EPB41L2: variants seen among roughly 807,000 people sequenced by gnomAD.
EPB41L2 encodes the protein band 4.1-like protein 2.
Under a neutral mutation model 113.0 loss-of-function variants are expected in EPB41L2, and 43 were observed. The observed-to-expected ratio is 0.38, with a 90% confidence interval of 0.30 to 0.49. EPB41L2 has a LOEUF of 0.49. Ranked by LOEUF, EPB41L2 falls within the 20% of genes least tolerant of loss-of-function variation. The probability of loss-of-function intolerance (pLI) is 0.95; values close to 1 mark genes in which losing one functional copy is unlikely to be tolerated. For synonymous variants in EPB41L2, 442 were observed against 436.7 expected (o/e 1.01, Z -0.15); for missense variants, 1,147 against 1,223.4 (o/e 0.94, Z 0.93).
chr6:131,011,300 G>C (rs1224029140), intron 1 of EPB41L2, among the ~76,000 whole-genome samples: 1 of 152,334 alleles, frequency 6.6e-6, no homozygotes, highest in East Asian at 1.9e-4. Context: ...AGATTCCCAA[G>C]TACCTGCAAA....
chr6:130,872,018 A>G (rs908303526), intron 14 of EPB41L2, among the ~76,000 whole-genome samples: 3 of 152,200 alleles, frequency 2.0e-5, no homozygotes, highest in Non-Finnish European at 4.4e-5. Context: ...TAAAAATAAC[A>G]TGCCATCAGA....
At chr6:130,962,263 C>A (rs1156232904) in intron 1 of EPB41L2, among the ~76,000 whole-genome samples, 4 of 149,064 alleles carry the variant, frequency 2.7e-5, no homozygotes, top group African/African-American at 1.0e-4. Flanking sequence ...GGGGAAGAGG[C>A]AGGAGAGGTG....
intron 18 of EPB41L2, among the ~76,000 whole-genome samples, chr6:130,858,825 G>A (rs1418087947): frequency 6.6e-6 from 1 of 152,234 alleles, no homozygotes; most frequent in African/African-American, 2.4e-5. Context: ...CTAAGACACA[G>A]AACTAAAGAG....
At chr6:131,027,430 G>A (rs1791127732) in intron 1 of EPB41L2, among the ~76,000 whole-genome samples, 1 of 152,084 alleles carries the variant, frequency 6.6e-6, no homozygotes, top group South Asian at 2.1e-4. Flanking sequence ...CACAGGGACA[G>A]GCCCCAACAT....
intron 1 of EPB41L2, among the ~76,000 whole-genome samples, chr6:130,998,296 C>T (rs1220081513): frequency 6.6e-6 from 1 of 152,164 alleles, no homozygotes. Context: ...GGATTAAGGA[C>T]AAATTCTTTT....
In EPB41L2 at chr6:130,869,690, T is replaced by G. The variant is rs1228528742; in HGVS notation, c.2480A>C (p.Lys827Thr). The G allele has an allele frequency of 6.2e-6, 10 of 1,614,202 alleles. No homozygotes were observed. Among genetic ancestry groups the G allele is most frequent in the Non-Finnish European group, 7.6e-6 (9 of 1,180,032 alleles). The change falls in exon 15 of 20, where the codon AAG (lysine) becomes ACG (threonine). Residue 827 changes from lysine to threonine, a missense_variant. Lys to Thr is a moderately conservative substitution (Grantham distance 78). Transcript: ENST00000337057. The part of the protein sequence containing the change: ...NVGAQKIPGE[K>T]SVHEGALKQD... ...CTTAAGAGCGCCTTCGTGTACACTC[T>G]TCTCTCCGGGTATCTTTTGGGCACC...
chr6:130,863,827 G>A (rs936384281), intron 17 of EPB41L2, 109 bp from the exon 18 acceptor site: 2 of 662,550 alleles, frequency 3.0e-6, no homozygotes, highest in Admixed American at 2.7e-5. Flanking sequence ...TCATTGTAAG[G>A]CCACACACAA....
At chr6:130,998,032 G>A (rs1783542440) in intron 1 of EPB41L2, among the ~76,000 whole-genome samples, 1 of 152,142 alleles carries the variant, frequency 6.6e-6, no homozygotes, top group African/African-American at 2.4e-5. Context: ...TTATAAACAA[G>A]CAATAACAGT....
chr6:130,954,140 C>G (rs1583879185), intron 3 of EPB41L2, among the ~76,000 whole-genome samples: 1 of 146,372 alleles, frequency 6.8e-6, no homozygotes, highest in East Asian at 2.1e-4. Flanking sequence ...ACAAGCTCCG[C>G]CTCCCGGGTT....
At chr6:130,873,683 C>A (rs1374192831) in intron 14 of EPB41L2, among the ~76,000 whole-genome samples, 1 of 152,156 alleles carries the variant, frequency 6.6e-6, no homozygotes, top group Non-Finnish European at 1.5e-5. Context: ...CCAGGCTGGT[C>A]TCTAACTCCT....
intron 1 of EPB41L2, among the ~76,000 whole-genome samples, chr6:131,024,629 G>A (rs1790424188): frequency 6.6e-6 from 1 of 152,092 alleles, no homozygotes; most frequent in African/African-American, 2.4e-5. Flanking sequence ...GACCGACCGT[G>A]TCTTACTCAA....
At chr6:130,841,571 G>T (rs1311296327) in intron 19 of EPB41L2, among the ~76,000 whole-genome samples, 1 of 152,224 alleles carries the variant, frequency 6.6e-6, no homozygotes, top group Non-Finnish European at 1.5e-5. Context: ...CAAATGTCAG[G>T]CATTCCTGCC....
intron 4 of EPB41L2, among the ~76,000 whole-genome samples, chr6:130,922,927 A>G (rs1803360993): frequency 1.3e-5 from 2 of 152,216 alleles, no homozygotes; most frequent in African/African-American, 4.8e-5. Context: ...GCAAGCTGTC[A>G]TTCTTTAAGA....
intron 1 of EPB41L2, among the ~76,000 whole-genome samples, chr6:131,051,107 AT>A (rs1352013354): frequency 6.6e-6 from 1 of 152,130 alleles, no homozygotes; most frequent in Non-Finnish European, 1.5e-5. Context: ...AATATAATAC[AT>A]TTACTGAACT....
chr6:131,021,680 A>G (rs1789530577), intron 1 of EPB41L2, among the ~76,000 whole-genome samples: 1 of 152,132 alleles, frequency 6.6e-6, no homozygotes, highest in African/African-American at 2.4e-5. Flanking sequence ...AAAAAGTAAT[A>G]CAAACAATAA....
At chr6:131,053,387 T>G (rs1349694874) in intron 1 of EPB41L2, among the ~76,000 whole-genome samples, 2 of 143,640 alleles carry the variant, frequency 1.4e-5, no homozygotes, top group South Asian at 2.2e-4. Flanking sequence ...TGTTACTACT[T>G]GAGACCCTCA....
rs1249011556 is a variant in EPB41L2, at chr6:130,880,590, G to C, written c.1834-384C>G. The C allele has an allele frequency of 9.4e-6, 5 of 533,048 alleles. No individual in the cohort carries two copies. In the East Asian group the frequency reaches 1.5e-4, roughly 16 times the overall value. 33.0% of individuals were successfully genotyped at this position (533,048 alleles called of 1,614,324 possible). A position where few individuals can be genotyped will look rare whatever the true frequency, so the allele number is the denominator to read the frequency against. On this transcript the variant is annotated intron_variant, in intron 12 of 19. Coordinates refer to ENST00000337057, the MANE Select transcript of EPB41L2 (RefSeq NM_001431.4). The stretch of plus-strand genomic sequence containing the variant: ...GTATTTGAACTTAAATGGTGAACCA[G>C]TGTTACCAACCTTTACTGTGAGGCC...
At chr6:131,054,233 C>A (rs775500249) in intron 1 of EPB41L2, among the ~76,000 whole-genome samples, 3 of 152,178 alleles carry the variant, frequency 2.0e-5, no homozygotes, top group Non-Finnish European at 2.9e-5. Flanking sequence ...TGTTGTCAAG[C>A]AGACTTGTAA....
intron 19 of EPB41L2, among the ~76,000 whole-genome samples, chr6:130,847,676 T>C (rs1034672844): frequency 2.0e-5 from 3 of 152,212 alleles, no homozygotes; most frequent in Non-Finnish European, 4.4e-5. Flanking sequence ...ACTATATCTA[T>C]GATATCCCAT....
Sources: allele counts gnomAD v4.1 joint callset (sites outside exome capture counted in the v4.1 genomes callset), GRCh38; gene constraint gnomAD v4.1.1; transcripts MANE v1.5; gene names NCBI Gene and HGNC (gene_info 2026-07-23, HGNC 2026-07-21).